BIRC5: variants seen among roughly 807,000 people sequenced by gnomAD.
BIRC5 encodes baculoviral IAP repeat containing 5.
In BIRC5, 8 loss-of-function variants were observed where a neutral mutation model predicts 15.8. That is an observed-to-expected ratio of 0.51 (90% confidence interval 0.30 to 0.91). BIRC5 has a LOEUF of 0.91. Ranked by LOEUF, BIRC5 falls within the 40% of genes least tolerant of loss-of-function variation. The pLI is 0.07. For synonymous variants in BIRC5, 56 were observed against 64.5 expected (o/e 0.87, Z 0.63); for missense variants, 163 against 178.6 (o/e 0.91, Z 0.50).
intron 3 of BIRC5, among the ~76,000 whole-genome samples, chr17:78,218,048 G>A (rs867241456): frequency 4.7e-5 from 7 of 149,814 alleles, no homozygotes; most frequent in South Asian, 4.2e-4. Context: ...TGAGCTCAAG[G>A]GATCCTTTTG....
intron 2 of BIRC5, chr17:78,216,145 A>AGGCTGAGGCAGGAGAAT (rs2076476132): frequency 5.5e-6 from 1 of 182,122 alleles, no homozygotes; most frequent in Non-Finnish European, 1.0e-5. Context: ...GCTACTCGGG[A>AGGCTGAGGCAGGAGAAT]GGCTGAGGCA....
Position 78,223,633 on chromosome 17 carries a change from T to C in BIRC5, c.*79T>C. ...TATTCCCTGGTGCCACCAGCCTTCC[T>C]GTGGGCCCCTTAGCAATGTCTTAGG... On this transcript the variant is annotated 3_prime_UTR_variant, in exon 4 of 4. Coordinates refer to ENST00000350051, the MANE Select transcript of BIRC5 (RefSeq NM_001168.3). The C allele has an allele frequency of 6.3e-7, 1 of 1,597,510 alleles. No homozygotes were observed. The highest frequency in any genetic ancestry group is 8.5e-7 in the Non-Finnish European group (1 of 1,171,862).
Position 78,223,831 on chromosome 17 carries a change from T to G in BIRC5, c.*277T>G. On this transcript the variant is annotated 3_prime_UTR_variant, in exon 4 of 4. Transcript: ENST00000350051. The stretch of plus-strand genomic sequence containing the variant: ...TTTTTGCTGTTTTGATTCCCGGGCT[T>G]ACCAGGTGAGAAGTGAGGGAGGAAG... 6.4e-4 allele frequency: 343 copies of G among 537,178 alleles called. No homozygotes were observed. The highest frequency in any genetic ancestry group is 7.9e-4 in the Non-Finnish European group (254 of 321,130). The allele number at this position is 537,178 out of a possible 1,614,324, so 33.3% of individuals were successfully genotyped here. A position where few individuals can be genotyped will look rare whatever the true frequency, so the allele number is the denominator to read the frequency against.
At position 78,214,752 on chromosome 17, in the gene BIRC5, A is replaced by G. The variant is rs1357564616; in HGVS notation, c.184A>G (p.Lys62Glu). 6.2e-7 allele frequency: 1 copy of G among 1,613,232 alleles called. No individual in the cohort carries two copies. Among genetic ancestry groups the G allele is most frequent in the Non-Finnish European group, 8.5e-7 (1 of 1,179,692 alleles). ...PDLAQCFFCF[K>E]ELEGWEPDDD... The stretch of plus-strand genomic sequence containing the variant: ...CTTGGCCCAGTGTTTCTTCTGCTTC[A>G]AGGAGCTGGAAGGCTGGGAGCCAGA... Residue 62 changes from lysine to glutamate, a missense_variant, in exon 2 of 4, where the codon AAG becomes GAG. Physicochemically the swap from Lys to Glu is moderately conservative, Grantham distance 56. Coordinates refer to ENST00000350051, the MANE Select transcript of BIRC5 (RefSeq NM_001168.3).
Position 78,223,591 on chromosome 17 carries a change from G to T in BIRC5, c.*37G>T, listed in dbSNP as rs749926799. The T allele has an allele frequency of 3.7e-6, 6 of 1,612,884 alleles. No homozygotes were observed. The highest frequency in any genetic ancestry group is 5.1e-6 in the Non-Finnish European group (6 of 1,179,470). On this transcript the variant is annotated 3_prime_UTR_variant, in exon 4 of 4. Transcript: ENST00000350051. ...GGAGCTGCCTGGTCCCAGAGTGGCT[G>T]CACCACTTCCAGGGTTTATTCCCTG...
chr17:78,222,188 C>T (rs887689439), intron 3 of BIRC5, among the ~76,000 whole-genome samples: 8 of 146,360 alleles, frequency 5.5e-5, no homozygotes, highest in African/African-American at 7.6e-5. Flanking sequence ...GATGACAGAG[C>T]GAGACCCTGT....
chr17:78,216,748 G>T lies in BIRC5; in HGVS notation c.306G>T (p.Leu102Phe). 6.2e-7 allele frequency: 1 copy of T among 1,613,796 alleles called. No homozygotes were observed. Among genetic ancestry groups the T allele is most frequent in the South Asian group, 1.1e-5 (1 of 91,064 alleles). The change falls in exon 3 of 4, where the codon TTG (leucine) becomes TTT (phenylalanine). Residue 102 changes from leucine to phenylalanine, a missense_variant. By Grantham distance (22) the Leu-to-Phe change is conservative (BLOSUM62 0). Coordinates refer to ENST00000350051, the MANE Select transcript of BIRC5 (RefSeq NM_001168.3). ...QFEELTLGEFLKLDRERAKNK... is the reference protein window; with the variant it reads ...QFEELTLGEFFKLDRERAKNK... ...AAGAATTAACCCTTGGTGAATTTTT[G>T]AAACTGGACAGAGAAAGAGCCAAGA...
chr17:78,216,833 T>A, intron 3 of BIRC5, 52 bp downstream of exon 3: 1 of 1,378,286 alleles, frequency 7.3e-7, no homozygotes, highest in South Asian at 1.2e-5. Context: ...TCTTTAGCAC[T>A]AAACTACCTA....
chr17:78,217,825 C>G (rs2076490209), intron 3 of BIRC5, among the ~76,000 whole-genome samples: 1 of 151,712 alleles, frequency 6.6e-6, no homozygotes, highest in Admixed American at 6.6e-5. Flanking sequence ...CAGGGACTCA[C>G]TCTGTCACCT....
intron 3 of BIRC5, among the ~76,000 whole-genome samples, chr17:78,220,687 GT>G (rs1458953549): frequency 2.2e-4 from 33 of 152,054 alleles, no homozygotes; most frequent in African/African-American, 5.8e-4. Flanking sequence ...TTATGGATTT[GT>G]TTTTATTACT....
intron 3 of BIRC5, 65 bp from the exon 4 acceptor site, chr17:78,223,400 C>G: frequency 7.0e-7 from 1 of 1,430,946 alleles, no homozygotes; most frequent in Non-Finnish European, 9.4e-7. Context: ...CCTTTGTCAT[C>G]TTATCTACAG....
chr17:78,216,684 C>A lies in BIRC5; in HGVS notation c.242C>A (p.Ser81Ter). 1 of 1,613,574 alleles carries A rather than the reference C, an allele frequency of 6.2e-7. No homozygotes were observed. The highest frequency in any genetic ancestry group is 1.1e-5 in the South Asian group (1 of 91,052). ...DDPIEEHKKH[S>*]SGCAFLSVKK... ...TCTAGAGAGGAACATAAAAAGCATTCGTCCGGTTGCGCTTTCCTTTCTGTC... is the reference window on the plus strand; with the variant it reads ...TCTAGAGAGGAACATAAAAAGCATTAGTCCGGTTGCGCTTTCCTTTCTGTC... The change falls in exon 3 of 4, where the codon TCG becomes TAG. Residue 81 changes from serine to a stop codon, truncating the protein, a stop_gained. Transcript: ENST00000350051. LOFTEE classifies it high-confidence loss of function.
At position 78,223,450 on chromosome 17, in the gene BIRC5, A is replaced by G. The variant is rs1567866875; in HGVS notation, c.340-15A>G. 4 of 1,582,676 alleles carry G rather than the reference A, an allele frequency of 2.5e-6. No homozygotes were observed. The Admixed American group carries it at 5.4e-5, about 21-fold the overall frequency. Reference sequence around the variant, plus strand: ...GCTCTGGTTTCAGTGTCATGTGTCTATTCTTTATTTCCAGGCAAAGGAAAC... The same window carrying G: ...GCTCTGGTTTCAGTGTCATGTGTCTGTTCTTTATTTCCAGGCAAAGGAAAC... On this transcript the variant is annotated splice_polypyrimidine_tract_variant and intron_variant, in intron 3 of 3. Coordinates refer to ENST00000350051, the MANE Select transcript of BIRC5 (RefSeq NM_001168.3).
rs775441897 is a variant in BIRC5 at position 78,214,470 on chromosome 17, C to T, written c.111+43C>T. 3.4e-6 allele frequency: 5 copies of T among 1,486,954 alleles called. No homozygotes were observed. In the South Asian group the frequency reaches 6.7e-5, roughly 20 times the overall value. 92.1% of individuals were successfully genotyped at this position (1,486,954 alleles called of 1,614,324 possible). A position where few individuals can be genotyped will look rare whatever the true frequency, so the allele number is the denominator to read the frequency against. On this transcript the variant is annotated intron_variant, in intron 1 of 3. Coordinates refer to ENST00000350051, the MANE Select transcript of BIRC5 (RefSeq NM_001168.3). Reference sequence around the variant, plus strand: ...CCTGGGGTCCCCCACGCCCGCCTTGCCCTGTCCCTAGCGAGGCCACTGTGA... The same window carrying T: ...CCTGGGGTCCCCCACGCCCGCCTTGTCCTGTCCCTAGCGAGGCCACTGTGA...
At chr17:78,219,606 G>T (rs988025284) in intron 3 of BIRC5, among the ~76,000 whole-genome samples, 2 of 152,220 alleles carry the variant, frequency 1.3e-5, no homozygotes, top group African/African-American at 4.8e-5. Flanking sequence ...GAGCTGCAGC[G>T]TGGGAACTGG....
intron 3 of BIRC5, among the ~76,000 whole-genome samples, chr17:78,220,329 G>A (rs1015331150): frequency 6.6e-6 from 1 of 152,146 alleles, no homozygotes; most frequent in African/African-American, 2.4e-5. Flanking sequence ...TCGGGAGGCT[G>A]AGGCAGGAGA....
intron 3 of BIRC5, among the ~76,000 whole-genome samples, chr17:78,221,763 G>C (rs17879245): frequency 2.6e-5 from 4 of 152,170 alleles, no homozygotes; most frequent in African/African-American, 9.7e-5. Context: ...AAGGAGCTTC[G>C]CTAATTTAAG....
intron 3 of BIRC5, among the ~76,000 whole-genome samples, chr17:78,221,503 G>A (rs559648888): frequency 6.6e-6 from 1 of 151,490 alleles, no homozygotes; most frequent in African/African-American, 2.4e-5. Flanking sequence ...CTCGGCTGAC[G>A]GCAAGCTCCG....
chr17:78,224,363 C>G lies in BIRC5; in HGVS notation c.*809C>G, dbSNP rs191250920. The stretch of plus-strand genomic sequence containing the variant: ...AGTGAGCCGCGGGGCACATGCTGGC[C>G]GCTCCTCCCTCAGAAAAAGGCAGTG... On this transcript the variant is annotated 3_prime_UTR_variant, in exon 4 of 4. Transcript: ENST00000350051. 1 of 152,200 alleles carries G rather than the reference C, an allele frequency of 6.6e-6. No individual in the cohort carries two copies. Among genetic ancestry groups the G allele is most frequent in the East Asian group, 1.9e-4 (1 of 5,186 alleles). The allele number at this position is 152,200 out of a possible 1,614,324, so 9.4% of individuals were successfully genotyped here.
Sources: allele counts gnomAD v4.1 joint callset (sites outside exome capture counted in the v4.1 genomes callset), GRCh38; gene constraint gnomAD v4.1.1; transcripts MANE v1.5; gene names NCBI Gene and HGNC (gene_info 2026-07-23, HGNC 2026-07-21).